Variants in ZNF679 observed in about 807,000 individuals in gnomAD.
The protein encoded by ZNF679 is hypothetical protein MGC42415.
ZNF679 carries 10 observed loss-of-function variants against 13.4 expected under a neutral mutation model. That is an observed-to-expected ratio of 0.75 (90% CI 0.46 to 1.27). The LOEUF (loss-of-function observed/expected upper bound fraction) is 1.27, where lower values mean the gene tolerates loss of function less well. ZNF679 is among the 50% of genes most tolerant of loss of function. ZNF679 has a pLI of 0.00. For missense variants in ZNF679, 525 were observed against 477.8 expected, an observed-to-expected ratio of 1.10 and a Z score of -0.92; for synonymous variants, 179 against 162.5, an observed-to-expected ratio of 1.10 and a Z score of -0.77.
intron 1 of ZNF679, among the ~76,000 whole-genome samples, chr7:64,243,171 C>T (rs1276713548): frequency 6.6e-6 from 1 of 152,046 alleles, no homozygotes; most frequent in Non-Finnish European, 1.5e-5. Context: ...TGTAGAAGGC[C>T]CAGATCATTA....
chr7:64,251,568 C>T (rs183663107), intron 2 of ZNF679, among the ~76,000 whole-genome samples: 1 of 152,140 alleles, frequency 6.6e-6, no homozygotes, highest in Non-Finnish European at 1.5e-5. Context: ...TATCATAATG[C>T]GTGGGTTGAG....
At chr7:64,246,767 G>A (rs1159543772) in intron 1 of ZNF679, among the ~76,000 whole-genome samples, 1 of 150,996 alleles carries the variant, frequency 6.6e-6, no homozygotes, top group African/African-American at 2.4e-5. Flanking sequence ...AGAAAGGAAG[G>A]AAGGAGGGAA....
intron 1 of ZNF679, among the ~76,000 whole-genome samples, chr7:64,247,024 A>G (rs1787878678): frequency 6.6e-6 from 1 of 152,156 alleles, no homozygotes; most frequent in Non-Finnish European, 1.5e-5. Context: ...AGACCATGTA[A>G]GGTCACTTTC....
chr7:64,238,752 C>A (rs1157152349), intron 1 of ZNF679, among the ~76,000 whole-genome samples: 4 of 152,150 alleles, frequency 2.6e-5, no homozygotes, highest in African/African-American at 9.7e-5. Context: ...TTGACAATAT[C>A]TGAAAACAGC....
At chr7:64,261,645 A>T (rs1326643953) in intron 4 of ZNF679, among the ~76,000 whole-genome samples, 1 of 152,100 alleles carries the variant, frequency 6.6e-6, no homozygotes, top group Non-Finnish European at 1.5e-5. Context: ...CAACTTACAT[A>T]GACTTCAATT....
At position 64,266,403 on chromosome 7, in the gene ZNF679, A is replaced by C. The variant is rs1459623143; in HGVS notation, c.770A>C (p.Lys257Thr). 6.2e-7 allele frequency: 1 copy of C among 1,612,952 alleles called. No individual in the cohort carries two copies. The highest frequency in any genetic ancestry group is 2.2e-5 in the East Asian group (1 of 44,680). The change falls in exon 5 of 5, where the codon AAA (lysine) becomes ACA (threonine). Residue 257 changes from lysine to threonine, a missense_variant. Lys to Thr is a moderately conservative substitution (Grantham distance 78). Transcript: ENST00000421025. ...KAFTWSSTLT[K>T]HRRIHTGEKP... ...TTTACCTGGTCCTCAACCCTTACTA[A>C]ACATAGGAGAATTCATACTGGAGAA...
At position 64,233,308 on chromosome 7, in the gene ZNF679, C is replaced by T. The variant is rs557799950; in HGVS notation, c.-91+4656C>T. Reference sequence around the variant, plus strand: ...GAGTCATAGACCAGCTTGGGCAACACGGGGAGACCTCGTCGTTAAGAAAAA... The same window carrying T: ...GAGTCATAGACCAGCTTGGGCAACATGGGGAGACCTCGTCGTTAAGAAAAA... On this transcript the variant is annotated intron_variant, in intron 1 of 4. Coordinates refer to ENST00000421025, the MANE Select transcript of ZNF679 (RefSeq NM_153363.3). Among the ~76,000 whole-genome samples the T allele has an allele frequency of 2.9e-4, 43 of 149,028 alleles. No individual in the cohort carries two copies. In the South Asian group the frequency reaches 8.3e-3, roughly 29 times the overall value.
chr7:64,234,152 G>A (rs1027390624), intron 1 of ZNF679, among the ~76,000 whole-genome samples: 2 of 152,192 alleles, frequency 1.3e-5, no homozygotes, highest in African/African-American at 4.8e-5. Context: ...CATGGGGACA[G>A]CAAGAAGGTT....
At chr7:64,261,267 T>C (rs1428919851) in intron 4 of ZNF679, among the ~76,000 whole-genome samples, 1 of 134,700 alleles carries the variant, frequency 7.4e-6, no homozygotes. Flanking sequence ...GTTAAACCAT[T>C]AAAAATTTTT....
intron 2 of ZNF679, among the ~76,000 whole-genome samples, chr7:64,256,792 G>A (rs1273867196): frequency 1.3e-5 from 2 of 151,310 alleles, no homozygotes; most frequent in Admixed American, 6.6e-5. Context: ...CCGCCTTCTG[G>A]TTTCAAGCAA....
At chr7:64,238,100 G>A (rs76572337) in intron 1 of ZNF679, among the ~76,000 whole-genome samples, 2,356 of 152,176 alleles carry the variant, frequency 0.015, 61 homozygotes, top group African/African-American at 0.054. Context: ...GGGTTCACAA[G>A]AAAATACCTG....
At chr7:64,258,859 A>T (rs919507161) in intron 2 of ZNF679, among the ~76,000 whole-genome samples, 4 of 151,588 alleles carry the variant, frequency 2.6e-5, no homozygotes, top group South Asian at 4.2e-4. Context: ...CTGAAAAAAA[A>T]TTTTTCTATA....
At chr7:64,230,342 G>A (rs532022923) in intron 1 of ZNF679, among the ~76,000 whole-genome samples, 1 of 151,876 alleles carries the variant, frequency 6.6e-6, no homozygotes, top group Non-Finnish European at 1.5e-5. Context: ...GACCATCCTG[G>A]CTAACAAGGT....
chr7:64,237,005 G>GAAAGAAAGAAAGAAAGAAAGAA lies in ZNF679; in HGVS notation c.-91+8372_-91+8373insGAAAAAGAAAGAAAGAAAGAAA, dbSNP rs1787736186. Among the ~76,000 whole-genome samples, 4 of 111,134 alleles carry GAAAGAAAGAAAGAAAGAAAGAA rather than the reference G, an allele frequency of 3.6e-5. 1 individual carries two copies. Among genetic ancestry groups the GAAAGAAAGAAAGAAAGAAAGAA allele is most frequent in the Admixed American group, 9.0e-5 (1 of 11,082 alleles). The allele number at this position is 111,134 out of a possible 152,430, so 72.9% of individuals were successfully genotyped here. A position where few individuals can be genotyped will look rare whatever the true frequency, so the allele number is the denominator to read the frequency against. On this transcript the variant is annotated intron_variant, in intron 1 of 4. Coordinates refer to ENST00000421025, the MANE Select transcript of ZNF679 (RefSeq NM_153363.3). ...AAAGAAAGAAAGAAAGAAAGAAAAA[G>GAAAGAAAGAAAGAAAGAAAGAA]AAAGAAAGAAAGAAAGAAACCTATG... is the stretch of plus-strand genomic sequence containing the variant.
At chr7:64,242,481 A>G (rs1005072989) in intron 1 of ZNF679, among the ~76,000 whole-genome samples, 2 of 152,172 alleles carry the variant, frequency 1.3e-5, no homozygotes, top group South Asian at 2.1e-4. Context: ...CTTTAGGTCC[A>G]GGTAAGGGAG....
chr7:64,264,378 A>C (rs1788117250), intron 4 of ZNF679, among the ~76,000 whole-genome samples: 1 of 152,030 alleles, frequency 6.6e-6, no homozygotes, highest in South Asian at 2.1e-4. Context: ...ATATCTTTGA[A>C]ATTTTAAAGA....
At chr7:64,249,336 G>A (rs535422178) in intron 2 of ZNF679, among the ~76,000 whole-genome samples, 180 bp downstream of exon 2, 1 of 152,302 alleles carries the variant, frequency 6.6e-6, no homozygotes, top group East Asian at 1.9e-4. Context: ...TGGGCCAGCG[G>A]CTAGGACCCT....
At chr7:64,264,717 T>C (rs1053973586) in intron 4 of ZNF679, among the ~76,000 whole-genome samples, 23 of 152,254 alleles carry the variant, frequency 1.5e-4, no homozygotes, top group African/African-American at 5.3e-4. Context: ...GCAAGCTTTC[T>C]GTTGTCAAAT....
chr7:64,242,119 T>C (rs1487119616), intron 1 of ZNF679, among the ~76,000 whole-genome samples: 1 of 152,200 alleles, frequency 6.6e-6, no homozygotes, highest in Non-Finnish European at 1.5e-5. Context: ...ACAGGGGTGC[T>C]GAATCTTGGT....
Sources: allele counts gnomAD v4.1 joint callset (sites outside exome capture counted in the v4.1 genomes callset), GRCh38; gene constraint gnomAD v4.1.1; transcripts MANE v1.5; gene names NCBI Gene and HGNC (gene_info 2026-07-23, HGNC 2026-07-21).